The following ADAMTSL1 variants were observed in gnomAD, a reference collection of about 807,000 sequenced individuals.
ADAMTSL1 encodes ADAMTS-like protein 1.
In ADAMTSL1, 126 loss-of-function variants were observed where a neutral mutation model predicts 201.8. That is an observed-to-expected ratio of 0.62 (90% CI 0.54 to 0.72). ADAMTSL1 has a LOEUF of 0.72. Ranked by LOEUF, ADAMTSL1 falls within the 30% of genes least tolerant of loss-of-function variation. ADAMTSL1 has a pLI of 0.00. For synonymous variants in ADAMTSL1, 1,121 were observed against 903.4 expected (o/e 1.24, Z -4.32); for missense variants, 2,679 against 2,277.8 (o/e 1.18, Z -3.59).
intron 1 of ADAMTSL1, among the ~76,000 whole-genome samples, chr9:18,044,327 G>C (rs1821567906): frequency 6.6e-6 from 1 of 151,992 alleles, no homozygotes; most frequent in Non-Finnish European, 1.5e-5. Flanking sequence ...TAGAAATAAA[G>C]AGGCTATTGA....
chr9:18,832,918 T>C (rs532595246), intron 23 of ADAMTSL1, among the ~76,000 whole-genome samples: 132 of 152,150 alleles, frequency 8.7e-4, no homozygotes, highest in African/African-American at 3.0e-3. Flanking sequence ...TTCCCAGCAG[T>C]AAGGGGGGAA....
chr9:18,294,646 C>A (rs73428912), intron 2 of ADAMTSL1, among the ~76,000 whole-genome samples: 1 of 152,176 alleles, frequency 6.6e-6, no homozygotes, highest in Non-Finnish European at 1.5e-5. Flanking sequence ...AATGCTTGAG[C>A]CCTTTCTAAG....
intron 2 of ADAMTSL1, among the ~76,000 whole-genome samples, chr9:18,422,158 T>C (rs985679396): frequency 6.6e-6 from 1 of 152,156 alleles, no homozygotes; most frequent in African/African-American, 2.4e-5. Flanking sequence ...AAGTGCAGTA[T>C]GTTCTCCCTA....
At chr9:18,311,560 C>G (rs1185706179) in intron 2 of ADAMTSL1, among the ~76,000 whole-genome samples, 7 of 152,054 alleles carry the variant, frequency 4.6e-5, no homozygotes, top group African/African-American at 1.7e-4. Flanking sequence ...AGGTGCTTCC[C>G]TAGGCCTGAA....
At chr9:18,145,586 A>G (rs1826605550) in intron 1 of ADAMTSL1, among the ~76,000 whole-genome samples, 1 of 152,224 alleles carries the variant, frequency 6.6e-6, no homozygotes, top group South Asian at 2.1e-4. Context: ...CAGACCTCAT[A>G]TCTTTCATAA....
At chr9:18,732,524 C>A (rs920551555) in intron 15 of ADAMTSL1, among the ~76,000 whole-genome samples, 1 of 152,144 alleles carries the variant, frequency 6.6e-6, no homozygotes, top group Non-Finnish European at 1.5e-5. Flanking sequence ...TGTGACATGA[C>A]TGAAGGGAGG....
At chr9:18,723,652 C>T (rs1460476558) in intron 15 of ADAMTSL1, 3 of 154,220 alleles carry the variant, frequency 1.9e-5, no homozygotes, top group Non-Finnish European at 2.9e-5. Flanking sequence ...ACAGGCAAGA[C>T]CTCTCACTGG....
chr9:18,609,051 A>G (rs2132591288), intron 4 of ADAMTSL1, among the ~76,000 whole-genome samples: 1 of 152,312 alleles, frequency 6.6e-6, no homozygotes, highest in South Asian at 2.1e-4. Context: ...AGGAGAAAAA[A>G]GGAGAAAACT....
intron 1 of ADAMTSL1, among the ~76,000 whole-genome samples, chr9:18,052,625 C>T (rs1403173144): frequency 6.6e-6 from 1 of 152,142 alleles, no homozygotes; most frequent in East Asian, 1.9e-4. Flanking sequence ...CCAATAGTAC[C>T]CCCTAACAGT....
At chr9:18,038,763 A>G (rs1257496549) in intron 1 of ADAMTSL1, among the ~76,000 whole-genome samples, 1 of 152,206 alleles carries the variant, frequency 6.6e-6, no homozygotes, top group East Asian at 1.9e-4. Flanking sequence ...TTAGATAATG[A>G]GCATAAAGCA....
At chr9:18,015,914 C>A (rs1820241432) in intron 1 of ADAMTSL1, among the ~76,000 whole-genome samples, 1 of 151,948 alleles carries the variant, frequency 6.6e-6, no homozygotes, top group African/African-American at 2.4e-5. Flanking sequence ...ATTGCCATAC[C>A]CTTTCTCCAG....
At chr9:18,780,251 C>G (rs184530801) in intron 19 of ADAMTSL1, among the ~76,000 whole-genome samples, 1 of 152,316 alleles carries the variant, frequency 6.6e-6, no homozygotes, top group East Asian at 1.9e-4. Context: ...CGGTCTTAGT[C>G]TCTTCATTTC....
chr9:18,218,664 A>G (rs965500833), intron 2 of ADAMTSL1, among the ~76,000 whole-genome samples: 6 of 152,050 alleles, frequency 3.9e-5, no homozygotes, highest in African/African-American at 1.4e-4. Flanking sequence ...AATATTCTAG[A>G]CATTAATCAT....
At chr9:18,015,452 G>A (rs1018759025) in intron 1 of ADAMTSL1, among the ~76,000 whole-genome samples, 3 of 152,062 alleles carry the variant, frequency 2.0e-5, no homozygotes, top group Non-Finnish European at 2.9e-5. Flanking sequence ...AAAGCTTGGA[G>A]ATGAACCACA....
intron 1 of ADAMTSL1, among the ~76,000 whole-genome samples, chr9:18,109,830 C>G (rs1327120622): frequency 1.3e-5 from 2 of 152,138 alleles, no homozygotes; most frequent in Non-Finnish European, 2.9e-5. Flanking sequence ...GTGGGAGTAA[C>G]CTGTAGTCAC....
At chr9:18,263,524 T>A (rs887523497) in intron 2 of ADAMTSL1, among the ~76,000 whole-genome samples, 1 of 152,192 alleles carries the variant, frequency 6.6e-6, no homozygotes, top group African/African-American at 2.4e-5. Context: ...TCAGTTCAGC[T>A]CTCATTTATA....
chr9:17,928,549 A>T (rs1331614532), intron 1 of ADAMTSL1, among the ~76,000 whole-genome samples: 2 of 152,156 alleles, frequency 1.3e-5, no homozygotes, highest in Admixed American at 1.3e-4. Context: ...GACATTTTTC[A>T]AGATAGGGGA....
intron 1 of ADAMTSL1, among the ~76,000 whole-genome samples, chr9:17,918,808 A>T (rs2891114): frequency 1.3e-5 from 2 of 151,610 alleles, no homozygotes; most frequent in South Asian, 2.1e-4. Context: ...AGACTTGTCT[A>T]TTTCTCTTGC....
intron 1 of ADAMTSL1, among the ~76,000 whole-genome samples, chr9:17,908,865 T>G (rs931638203): frequency 3.3e-5 from 5 of 152,132 alleles, no homozygotes; most frequent in African/African-American, 1.2e-4. Flanking sequence ...CAAATGGTAT[T>G]TCTAGTTCTA....
Sources: gnomAD v4.1 joint callset for allele counts (sites outside exome capture counted in the v4.1 genomes callset) on GRCh38, gnomAD v4.1.1 for gene constraint, MANE v1.5 for transcripts, NCBI Gene and HGNC (gene_info 2026-07-23, HGNC 2026-07-21) for gene names.